EYS: variants seen among roughly 807,000 people sequenced by gnomAD.
The protein encoded by EYS is EGF-like photoreceptor maintenance factor, also known as protein eyes shut homolog.
Under a neutral mutation model 282.1 loss-of-function variants are expected in EYS, and 250 were observed. The observed-to-expected ratio is 0.89, with a 90% CI of 0.80 to 0.98. The LOEUF is 0.98. Ranked by LOEUF, EYS falls within the 50% of genes least tolerant of loss-of-function variation. The pLI, the probability that EYS is intolerant of heterozygous loss-of-function variation, is 0.00. For synonymous variants in EYS, 1,355 were observed against 1,282.9 expected (o/e 1.06, Z -1.20); for missense variants, 4,016 against 3,709.0 (o/e 1.08, Z -2.15).
At chr6:64,513,114 A>T (rs1439438354) in intron 26 of EYS, among the ~76,000 whole-genome samples, 1 of 151,922 alleles carries the variant, frequency 6.6e-6, no homozygotes, top group South Asian at 2.1e-4. Context: ...ATTTGCGATC[A>T]GGTTCTTATA....
intron 2 of EYS, among the ~76,000 whole-genome samples, chr6:65,626,308 G>T (rs761900779): frequency 3.3e-5 from 5 of 152,094 alleles, no homozygotes; most frequent in Non-Finnish European, 7.4e-5. Flanking sequence ...ATATTTAGGG[G>T]CTAAAACAGA....
At chr6:64,365,108 T>G (rs890932995) in intron 29 of EYS, among the ~76,000 whole-genome samples, 8 of 151,334 alleles carry the variant, frequency 5.3e-5, no homozygotes, top group African/African-American at 1.9e-4. Flanking sequence ...AAGAAAGAAA[T>G]AAAAAATAAT....
chr6:64,709,603 C>T (rs1583066799), intron 22 of EYS, among the ~76,000 whole-genome samples: 1 of 152,080 alleles, frequency 6.6e-6, no homozygotes, highest in African/African-American at 2.4e-5. Context: ...TCTAGGTGTT[C>T]TTGAAGCAAT....
At position 63,872,480 on chromosome 6, in the gene EYS, T is replaced by TG. The variant is rs750178479; in HGVS notation, c.7056-8123_7056-8122insC. 1.4e-4 allele frequency among the ~76,000 whole-genome samples: 20 copies of TG among 147,910 alleles called. No individual in the cohort carries two copies. The East Asian group carries it at 2.0e-3, about 15-fold the overall frequency. Reference sequence around the variant, plus strand: ...ACATCCACTATACCTAAATATGGTTTTTTTTTTTTTTTTTTTAGACCTAGT... The same window carrying TG: ...ACATCCACTATACCTAAATATGGTTTGTTTTTTTTTTTTTTTTAGACCTAGT... On this transcript the variant is annotated intron_variant, in intron 35 of 42. Coordinates refer to ENST00000503581, the MANE Select transcript of EYS (RefSeq NM_001142800.2).
At chr6:65,471,791 CTAATAAAATATTTTAAGA>C (rs1765227876) in intron 5 of EYS, among the ~76,000 whole-genome samples, 1 of 151,962 alleles carries the variant, frequency 6.6e-6, no homozygotes, top group Admixed American at 6.6e-5. Flanking sequence ...TATTCTATTT[CTAATAAAATATTTTAAGA>C]TATTTTAACC....
chr6:64,356,024 G>A (rs1771812990), intron 29 of EYS, among the ~76,000 whole-genome samples: 1 of 151,564 alleles, frequency 6.6e-6, no homozygotes, highest in Admixed American at 6.6e-5. Context: ...TTCTGCAAAA[G>A]CAGTAACAGA....
intron 15 of EYS, among the ~76,000 whole-genome samples, chr6:64,923,798 A>G (rs947695858): frequency 1.3e-5 from 2 of 152,196 alleles, no homozygotes; most frequent in Non-Finnish European, 2.9e-5. Context: ...CATGTCTCAC[A>G]TCCATGTCAC....
chr6:63,998,580 AG>A lies in EYS; in HGVS notation c.6834+494del, dbSNP rs540974818. Among the ~76,000 whole-genome samples the A allele has an allele frequency of 3.3e-5, 5 of 152,296 alleles. No individual in the cohort carries two copies. In the East Asian group the frequency reaches 9.7e-4, roughly 29 times the overall value. On this transcript the variant is annotated intron_variant, in intron 34 of 42. Transcript: ENST00000503581. ...CACATCATTAAAACAGAAAGAATTC[AG>A]CAAATTGCCTGGTCTCTGGAGGGAT...
At chr6:64,798,113 A>G (rs1774417084) in intron 22 of EYS, among the ~76,000 whole-genome samples, 3 of 151,874 alleles carry the variant, frequency 2.0e-5, no homozygotes, top group Admixed American at 2.0e-4. Flanking sequence ...CTTTTTTTCT[A>G]AAGGAATCAG....
At chr6:63,825,007 A>G (rs1222136607) in intron 36 of EYS, among the ~76,000 whole-genome samples, 1 of 152,130 alleles carries the variant, frequency 6.6e-6, no homozygotes, top group African/African-American at 2.4e-5. Flanking sequence ...AAATCTGGCA[A>G]GTTTTCAAGC....
chr6:63,760,877 C>A (rs1056869093), intron 41 of EYS, among the ~76,000 whole-genome samples: 1 of 151,844 alleles, frequency 6.6e-6, no homozygotes, highest in Non-Finnish European at 1.5e-5. Flanking sequence ...CTAGCCCTTA[C>A]GTTACTTGTC....
chr6:65,164,660 A>G (rs1247203310), intron 12 of EYS, among the ~76,000 whole-genome samples: 2 of 151,332 alleles, frequency 1.3e-5, no homozygotes, highest in Non-Finnish European at 3.0e-5. Context: ...TCATAACAAA[A>G]CATTACAAAC....
chr6:64,902,235 A>G lies in EYS; in HGVS notation c.2739-15T>C, dbSNP rs775497244. The G allele has an allele frequency of 7.3e-6, 11 of 1,508,474 alleles. No individual in the cohort carries two copies. The South Asian group carries it at 9.7e-5, about 13-fold the overall frequency. The allele number at this position is 1,508,474 out of a possible 1,614,324, so 93.4% of individuals were successfully genotyped here. On this transcript the variant is annotated splice_polypyrimidine_tract_variant and intron_variant, in intron 17 of 42. Transcript: ENST00000503581. ...TGCAAATACACCTTTTAAACAAAAA[A>G]TTTAGTAACTCCATTAGTATATATG...
chr6:64,531,229 T>C (rs1213580029), intron 26 of EYS, among the ~76,000 whole-genome samples: 1 of 152,126 alleles, frequency 6.6e-6, no homozygotes, highest in African/African-American at 2.4e-5. Flanking sequence ...GGACCATTAC[T>C]CCCTCCTAAG....
intron 2 of EYS, among the ~76,000 whole-genome samples, chr6:65,586,795 A>C (rs1356916931): frequency 6.6e-6 from 1 of 152,102 alleles, no homozygotes; most frequent in Non-Finnish European, 1.5e-5. Flanking sequence ...GTCCAATTCT[A>C]TTACAAGCAA....
intron 12 of EYS, among the ~76,000 whole-genome samples, chr6:65,112,005 C>T (rs947212108): frequency 1.1e-4 from 16 of 152,196 alleles, no homozygotes; most frequent in African/African-American, 2.6e-4. Flanking sequence ...TTTTAACCTC[C>T]GCTTGAGATA....
chr6:65,192,449 A>T lies in EYS; in HGVS notation c.2023+103414T>A, dbSNP rs1765665826. Among the ~76,000 whole-genome samples, 4 of 151,756 alleles carry T rather than the reference A, an allele frequency of 2.6e-5. No homozygotes were observed. In the Admixed American group the frequency reaches 2.6e-4, roughly 10 times the overall value. On this transcript the variant is annotated intron_variant, in intron 12 of 42. Transcript: ENST00000503581. ...TAACTTCAGCAAAACAAAGATTAAAAAATGTTAATAAAGGACTATAATTTT... is the reference window on the plus strand; with the variant it reads ...TAACTTCAGCAAAACAAAGATTAAATAATGTTAATAAAGGACTATAATTTT...
intron 35 of EYS, among the ~76,000 whole-genome samples, chr6:63,894,576 TG>T (rs1773487703): frequency 6.6e-6 from 1 of 151,566 alleles, no homozygotes; most frequent in Admixed American, 6.6e-5. Context: ...TGTTTTTTTT[TG>T]TTTGTTTGTT....
rs1237397163 is a variant in EYS, at chr6:65,693,349, G to A, written c.-448+13786C>T. On this transcript the variant is annotated intron_variant, in intron 1 of 42. Coordinates refer to ENST00000503581, the MANE Select transcript of EYS (RefSeq NM_001142800.2). ...TTGTAAAAATGAAGAAAACATGTAG[G>A]AGAGCTCTGATAGAGACACAGCCCT... Among the ~76,000 whole-genome samples, 7 of 148,168 alleles carry A rather than the reference G, an allele frequency of 4.7e-5. 1 individual carries two copies. Among genetic ancestry groups the A allele is most frequent in the Non-Finnish European group, 8.9e-5 (6 of 67,262 alleles).
Sources: gnomAD v4.1 joint callset for allele counts (sites outside exome capture counted in the v4.1 genomes callset) on GRCh38, gnomAD v4.1.1 for gene constraint, MANE v1.5 for transcripts, NCBI Gene and HGNC (gene_info 2026-07-23, HGNC 2026-07-21) for gene names.